HAUS8: variants seen among roughly 807,000 people sequenced by gnomAD.
HAUS8 encodes the protein HAUS augmin-like complex subunit 8.
In HAUS8, 38 loss-of-function variants were observed where a neutral mutation model predicts 42.9. The ratio of observed to expected loss-of-function variants is 0.89; its 90% CI spans 0.68 to 1.16. The LOEUF (loss-of-function observed/expected upper bound fraction) is 1.16. Ranked by LOEUF, HAUS8 falls within the 50% of genes most tolerant of loss-of-function variation. The pLI, the probability that HAUS8 is intolerant of heterozygous loss-of-function variation, is 0.00. For missense variants in HAUS8, 494 were observed against 511.6 expected, an observed-to-expected ratio of 0.97 and a Z score of 0.33; for synonymous variants, 199 against 205.8, an observed-to-expected ratio of 0.97 and a Z score of 0.28.
At chr19:17,056,972 C>T (rs1287382170) in intron 8 of HAUS8, among the ~76,000 whole-genome samples, 1 of 152,170 alleles carries the variant, frequency 6.6e-6, no homozygotes, top group African/African-American at 2.4e-5. Context: ...CTCCACCTCC[C>T]AGGGTCAAGC....
At chr19:17,071,339 G>A (rs1385436355) in intron 2 of HAUS8, among the ~76,000 whole-genome samples, 1 of 152,120 alleles carries the variant, frequency 6.6e-6, no homozygotes, top group African/African-American at 2.4e-5. Context: ...TGTCAATCTG[G>A]GCAGCCCCAG....
At chr19:17,067,007 C>T (rs1315021132) in intron 3 of HAUS8, among the ~76,000 whole-genome samples, 1 of 152,072 alleles carries the variant, frequency 6.6e-6, no homozygotes, top group Non-Finnish European at 1.5e-5. Flanking sequence ...GAGTTCGAGA[C>T]CAGCCTGGCC....
intron 6 of HAUS8, 112 bp from the exon 7 acceptor site, chr19:17,058,988 T>C (rs1357740387): frequency 2.4e-6 from 2 of 817,100 alleles, no homozygotes; most frequent in Non-Finnish European, 3.9e-6. Flanking sequence ...TTCAGTTTGA[T>C]ATTCGGTAGT....
intron 3 of HAUS8, among the ~76,000 whole-genome samples, chr19:17,066,727 T>C (rs1400800350): frequency 6.6e-6 from 1 of 152,146 alleles, no homozygotes; most frequent in Non-Finnish European, 1.5e-5. Context: ...TTTGAGTTTT[T>C]CTACGAGCCA....
In HAUS8 at chr19:17,049,944, C is replaced by T. The variant is rs568682930; in HGVS notation, c.1162G>A (p.Glu388Lys). Reference protein sequence around the residue: ...PAQATFISPSEDFSSSSQAEV... With the variant: ...PAQATFISPSKDFSSSSQAEV... ...GCCTGGCTGCTTGAAGAAAAATCTT[C>T]GCTTGGGCTGATGAACGTGGCCTGA... Residue 388 changes from glutamate to lysine, a missense_variant, in exon 11 of 11, where the codon GAA (glutamate) becomes AAA (lysine). Coordinates refer to ENST00000253669, the MANE Select transcript of HAUS8 (RefSeq NM_033417.2). 4.5e-6 allele frequency: 7 copies of T among 1,554,962 alleles called. No homozygotes were observed. Among genetic ancestry groups the T allele is most frequent in the African/African-American group, 1.4e-5 (1 of 72,948 alleles).
chr19:17,051,361 G>A (rs767769657), intron 10 of HAUS8, among the ~76,000 whole-genome samples: 6 of 145,508 alleles, frequency 4.1e-5, no homozygotes, highest in Non-Finnish European at 7.5e-5. Context: ...GGAGAAAAGC[G>A]CGTGGTTAGA....
chr19:17,062,320 T>TG (rs1203367040), intron 4 of HAUS8, among the ~76,000 whole-genome samples: 2 of 152,120 alleles, frequency 1.3e-5, no homozygotes, highest in Non-Finnish European at 2.9e-5. Context: ...TTAGTAGAAA[T>TG]GGGGTTTCAC....
chr19:17,054,813 A>G (rs2057309861), intron 9 of HAUS8, among the ~76,000 whole-genome samples: 1 of 151,864 alleles, frequency 6.6e-6, no homozygotes, highest in Non-Finnish European at 1.5e-5. Flanking sequence ...AAAATAAATT[A>G]GCCAGGTGCA....
At chr19:17,052,730 T>A in intron 10 of HAUS8, 95 bp downstream of exon 10, 2 of 1,366,618 alleles carry the variant, frequency 1.5e-6, no homozygotes, top group Non-Finnish European at 2.1e-6. Flanking sequence ...TCCTCTGAAC[T>A]CCTAGAGGAA....
At chr19:17,057,501 G>A (rs2057333630) in intron 8 of HAUS8, among the ~76,000 whole-genome samples, 1 of 151,944 alleles carries the variant, frequency 6.6e-6, no homozygotes. Flanking sequence ...TCTTCAAATT[G>A]TCACAAATCT....
chr19:17,063,277 G>A (rs1384655711), intron 3 of HAUS8, among the ~76,000 whole-genome samples: 4 of 152,160 alleles, frequency 2.6e-5, no homozygotes, highest in Non-Finnish European at 5.9e-5. Flanking sequence ...TGGGAGGATC[G>A]CTCGGGTCCA....
At chr19:17,055,191 T>A (rs1292400585) in intron 9 of HAUS8, 6 of 67,970 alleles carry the variant, frequency 8.8e-5, no homozygotes, top group East Asian at 4.8e-4. Flanking sequence ...TATATATATA[T>A]AAGCCAGGTG....
At chr19:17,053,256 G>T in intron 9 of HAUS8, 1 of 430,334 alleles carries the variant, frequency 2.3e-6, no homozygotes, top group Non-Finnish European at 4.3e-6. Flanking sequence ...AAAGGGCTGT[G>T]CTGTGCCAGG....
chr19:17,050,306 A>G (rs1486544465), intron 10 of HAUS8, 130 bp from the exon 11 acceptor site: 5 of 524,100 alleles, frequency 9.5e-6, no homozygotes, highest in Admixed American at 4.1e-5. Context: ...GGAAAGGGCC[A>G]GCAAATAAGA....
intron 7 of HAUS8, 28 bp from the exon 8 acceptor site, chr19:17,058,735 C>A: frequency 1.2e-6 from 2 of 1,602,932 alleles, no homozygotes; most frequent in Non-Finnish European, 8.5e-7. Context: ...AAAGCTCAAG[C>A]AGGTGGGGAC....
chr19:17,065,204 A>G (rs911619837), intron 3 of HAUS8, among the ~76,000 whole-genome samples: 1 of 152,244 alleles, frequency 6.6e-6, no homozygotes, highest in Non-Finnish European at 1.5e-5. Flanking sequence ...CTTTTCATCT[A>G]TGTGCCTAGT....
Position 17,069,054 on chromosome 19 carries a change from A to T in HAUS8, c.124T>A (p.Tyr42Asn). The change falls in exon 3 of 11, where the codon TAT becomes AAT. Residue 42 changes from tyrosine (Y) to asparagine (N), a missense_variant. Tyr to Asn is a moderately radical substitution (Grantham distance 143). Coordinates refer to ENST00000253669, the MANE Select transcript of HAUS8 (RefSeq NM_033417.2). The part of the protein sequence containing the change: ...GRVIESRYLQ[Y>N]EKKTTQKAPA... ...ACCTTTTGGGTTGTCTTCTTTTCAT[A>T]CTGCAGATACCGGGACTCAATCACT... The T allele has an allele frequency of 1.2e-6, 2 of 1,613,422 alleles. No individual in the cohort carries two copies. The highest frequency in any genetic ancestry group is 1.7e-6 in the Non-Finnish European group (2 of 1,179,732).
intron 4 of HAUS8, 114 bp from the exon 5 acceptor site, chr19:17,060,206 T>C: frequency 1.9e-6 from 1 of 520,644 alleles, no homozygotes; most frequent in East Asian, 3.0e-5. Flanking sequence ...AAGCCCAATT[T>C]CGTCCAAGGT....
chr19:17,068,872 A>G (rs2057403917), intron 3 of HAUS8, among the ~76,000 whole-genome samples, 159 bp downstream of exon 3: 1 of 152,202 alleles, frequency 6.6e-6, no homozygotes, highest in Admixed American at 6.5e-5. Context: ...CACAACTGGC[A>G]GCATGAAGGG....
Sources: gnomAD v4.1 joint callset for allele counts (sites outside exome capture counted in the v4.1 genomes callset) on GRCh38, gnomAD v4.1.1 for gene constraint, MANE v1.5 for transcripts, NCBI Gene and HGNC (gene_info 2026-07-23, HGNC 2026-07-21) for gene names.